The following SCP2 variants were observed in gnomAD, a reference collection of about 807,000 sequenced individuals.
The protein encoded by SCP2 is SCP-2/3-oxoacyl-CoA thiolase.
A neutral mutation model predicts 71.4 loss-of-function variants in SCP2; 48 were observed. The ratio of observed to expected loss-of-function variants is 0.67; its 90% CI spans 0.53 to 0.86. The LOEUF (loss-of-function observed/expected upper bound fraction) is 0.86. Among genes scored for constraint, SCP2 ranks in the 40% least tolerant of loss-of-function variants. The pLI, the probability that SCP2 is intolerant of heterozygous loss-of-function variation, is 0.00. For synonymous variants in SCP2, 220 were observed against 218.1 expected (o/e 1.01, Z -0.08); for missense variants, 560 against 655.6 (o/e 0.85, Z 1.59).
chr1:53,049,761 A>T (rs1179664053), intron 15 of SCP2: 1 of 152,210 alleles, frequency 6.6e-6, no homozygotes, highest in African/African-American at 2.4e-5. Context: ...AAGGGGAAAA[A>T]AAGGAATTAG....
At chr1:53,010,889 T>C (rs1393357364) in intron 11 of SCP2, among the ~76,000 whole-genome samples, 2 of 152,064 alleles carry the variant, frequency 1.3e-5, no homozygotes, top group East Asian at 3.9e-4. Flanking sequence ...TCCCAAAACC[T>C]ATAAGAACTA....
At chr1:52,948,416 C>G (rs898225578) in intron 3 of SCP2, among the ~76,000 whole-genome samples, 1 of 151,982 alleles carries the variant, frequency 6.6e-6, no homozygotes. Flanking sequence ...GAGGCCGAGG[C>G]AGGCGGATCA....
chr1:53,046,233 A>C (rs1004211475), intron 14 of SCP2, among the ~76,000 whole-genome samples: 3 of 152,098 alleles, frequency 2.0e-5, no homozygotes, highest in Admixed American at 1.3e-4. Flanking sequence ...TGAAACTTCC[A>C]GACTGTTTTC....
At position 52,943,610 on chromosome 1, in the gene SCP2, T is replaced by C. The variant is rs551888355; in HGVS notation, c.127+1757T>C. On this transcript the variant is annotated intron_variant, in intron 2 of 15. Transcript: ENST00000371514. Reference sequence around the variant, plus strand: ...TCATTTGGCATGGATAGTGCACAGGTTGGTGTCTTCAAAAAGGCCAACGAG... The same window carrying C: ...TCATTTGGCATGGATAGTGCACAGGCTGGTGTCTTCAAAAAGGCCAACGAG... The C allele has an allele frequency of 1.9e-5, 8 of 425,628 alleles. No individual in the cohort carries two copies. The East Asian group carries it at 4.0e-4, about 21-fold the overall frequency. 26.4% of individuals were successfully genotyped at this position (425,628 alleles called of 1,614,324 possible).
chr1:52,989,626 C>A lies in SCP2; in HGVS notation c.1081+1490C>A, dbSNP rs186368663. ...CTGTCTGACAGTGTCCTGGTAAACC[C>A]CACTTGAAAGCTTTGTCTTTATTTC... On this transcript the variant is annotated intron_variant, in intron 11 of 15. Coordinates refer to ENST00000371514, the MANE Select transcript of SCP2 (RefSeq NM_002979.5). Among the ~76,000 whole-genome samples, 3 of 152,260 alleles carry A rather than the reference C, an allele frequency of 2.0e-5. No individual in the cohort carries two copies. The East Asian group carries it at 5.8e-4, about 29-fold the overall frequency.
At position 52,976,734 on chromosome 1, in the gene SCP2, A is replaced by C. The variant is rs1441992306; in HGVS notation, c.639A>C (p.Lys213Asn). 3.2e-6 allele frequency: 5 copies of C among 1,567,996 alleles called. No individual in the cohort carries two copies. The Admixed American group carries it at 8.3e-5, about 26-fold the overall frequency. Residue 213 changes from lysine to asparagine, a missense_variant, in exon 8 of 16, where the codon AAA becomes AAC. Physicochemically the swap from Lys to Asn is moderately conservative, Grantham distance 94. Transcript: ENST00000371514. ...EYSLDEVMAS[K>N]EVFDFLTILQ... Reference sequence around the variant, plus strand: ...GTTTAGATGAAGTGATGGCATCTAAAGAAGTTTTTGATTTTTTGACTATCT... The same window carrying C: ...GTTTAGATGAAGTGATGGCATCTAACGAAGTTTTTGATTTTTTGACTATCT...
chr1:52,942,781 C>T (rs1393798196), intron 2 of SCP2, among the ~76,000 whole-genome samples: 3 of 147,512 alleles, frequency 2.0e-5, no homozygotes, highest in Non-Finnish European at 4.4e-5. Flanking sequence ...TTCACTGCAA[C>T]CTCGGACTCC....
chr1:53,000,999 C>G (rs1660282687), intron 11 of SCP2, among the ~76,000 whole-genome samples: 1 of 151,962 alleles, frequency 6.6e-6, no homozygotes, highest in South Asian at 2.1e-4. Context: ...TATGTTCTCT[C>G]TCTCTATATG....
At chr1:53,031,732 G>A (rs1344727460) in intron 13 of SCP2, among the ~76,000 whole-genome samples, 1 of 152,144 alleles carries the variant, frequency 6.6e-6, no homozygotes, top group African/African-American at 2.4e-5. Flanking sequence ...CACTTCAATT[G>A]AAAATGTTTT....
chr1:52,950,700 T>C lies in SCP2; in HGVS notation c.200-55T>C. 2.1e-6 allele frequency: 3 copies of C among 1,434,602 alleles called. No individual in the cohort carries two copies. The South Asian group carries it at 3.4e-5, about 16-fold the overall frequency. The allele number at this position is 1,434,602 out of a possible 1,614,324, so 88.9% of individuals were successfully genotyped here. Reference sequence around the variant, plus strand: ...TGAAAAAACCCATAATGTAGTATTATGTTGCATTGCAACTCCATAATTCTC... The same window carrying C: ...TGAAAAAACCCATAATGTAGTATTACGTTGCATTGCAACTCCATAATTCTC... On this transcript the variant is annotated intron_variant, in intron 3 of 15. Transcript: ENST00000371514.
intron 11 of SCP2, among the ~76,000 whole-genome samples, chr1:53,001,507 A>T (rs1218152651): frequency 6.6e-6 from 1 of 152,214 alleles, no homozygotes; most frequent in Non-Finnish European, 1.5e-5. Flanking sequence ...AGTATACTTC[A>T]TGTACAAGTG....
intron 12 of SCP2, among the ~76,000 whole-genome samples, chr1:53,015,674 T>C (rs1479136339): frequency 6.6e-6 from 1 of 152,252 alleles, no homozygotes; most frequent in Non-Finnish European, 1.5e-5. Flanking sequence ...CTTGGTTATC[T>C]TTCCATTGAC....
At chr1:53,022,322 G>T (rs960767604) in intron 12 of SCP2, among the ~76,000 whole-genome samples, 9 of 152,120 alleles carry the variant, frequency 5.9e-5, no homozygotes, top group Non-Finnish European at 1.2e-4. Context: ...CCTTTATATG[G>T]CTGAAGGTTC....
At chr1:53,013,872 A>G (rs181345922) in intron 11 of SCP2, among the ~76,000 whole-genome samples, 8 of 140,746 alleles carry the variant, frequency 5.7e-5, no homozygotes, top group African/African-American at 1.5e-4. Context: ...GTCTGCCCTG[A>G]TAGAACATTC....
At chr1:53,044,514 C>T (rs1202108604) in intron 14 of SCP2, among the ~76,000 whole-genome samples, 1 of 152,226 alleles carries the variant, frequency 6.6e-6, no homozygotes, top group Admixed American at 6.5e-5. Context: ...GTGCATATAG[C>T]AGTGATCAAC....
chr1:52,974,868 G>A (rs1657810283), intron 7 of SCP2, 36 bp downstream of exon 7: 2 of 1,013,524 alleles, frequency 2.0e-6, no homozygotes, highest in African/African-American at 1.6e-5. Flanking sequence ...ATGAAAATCT[G>A]GGTTATCCTA....
At chr1:52,993,111 A>G in intron 11 of SCP2, 1 of 1,441,590 alleles carries the variant, frequency 6.9e-7, no homozygotes, top group Admixed American at 1.7e-5. Flanking sequence ...CTAAGGCTAG[A>G]AAGGTACCAA....
chr1:52,930,389 C>G (rs1653034712), intron 1 of SCP2, among the ~76,000 whole-genome samples: 1 of 151,984 alleles, frequency 6.6e-6, no homozygotes, highest in Non-Finnish European at 1.5e-5. Context: ...CTTTAGGAGG[C>G]TGAGGTGGGT....
intron 6 of SCP2, among the ~76,000 whole-genome samples, chr1:52,961,910 AT>A (rs143534429): frequency 2.6e-5 from 4 of 151,864 alleles, no homozygotes; most frequent in Non-Finnish European, 4.4e-5. Context: ...ACTATAAATT[AT>A]TTTTTTCCAA....
Sources: allele counts gnomAD v4.1 joint callset (sites outside exome capture counted in the v4.1 genomes callset), GRCh38; gene constraint gnomAD v4.1.1; transcripts MANE v1.5; gene names NCBI Gene and HGNC (gene_info 2026-07-23, HGNC 2026-07-21).